Variants in PLS3 observed in about 807,000 individuals in gnomAD.
PLS3 encodes the protein plastin 3.
PLS3 carries 11 observed loss-of-function variants against 46.5 expected under a neutral mutation model. The observed-to-expected ratio is 0.24, with a 90% CI of 0.15 to 0.39. PLS3 has a LOEUF of 0.39. PLS3 is among the 10% of genes least tolerant of loss of function. PLS3 has a pLI of 1.00. For synonymous variants in PLS3, 167 were observed against 162.2 expected (o/e 1.03, Z -0.22); for missense variants, 308 against 461.8 (o/e 0.67, Z 3.05).
rs781847258 is a variant in PLS3, at chrX:115,641,352, C to T, written c.987+849C>T. Among the ~76,000 whole-genome samples, 4 of 106,548 alleles carry T rather than the reference C, an allele frequency of 3.8e-5. No homozygotes were observed. The South Asian group carries it at 1.7e-3, about 47-fold the overall frequency. 92.5% of individuals were successfully genotyped at this position (106,548 alleles called of 115,157 possible). A position where few individuals can be genotyped will look rare whatever the true frequency, so the allele number is the denominator to read the frequency against. ...AAGCAATTCTCCTGCCTCAGCCTCCCGAGTAGCTGCGATTACAGGCGCCCA... is the reference window on the plus strand; with the variant it reads ...AAGCAATTCTCCTGCCTCAGCCTCCTGAGTAGCTGCGATTACAGGCGCCCA... On this transcript the variant is annotated intron_variant, in intron 9 of 15. Coordinates refer to ENST00000355899, the MANE Select transcript of PLS3 (RefSeq NM_005032.7).
chrX:115,618,445 G>C (rs1419172502), intron 2 of PLS3, among the ~76,000 whole-genome samples: 3 of 110,763 alleles, frequency 2.7e-5, no homozygotes, highest in African/African-American at 9.9e-5. Context: ...AGTTAGCTGG[G>C]CATAGTGGTG....
At chrX:115,583,872 T>G (rs1288656681) in intron 1 of PLS3, among the ~76,000 whole-genome samples, 4 of 111,597 alleles carry the variant, frequency 3.6e-5, no homozygotes, top group Admixed American at 1.9e-4. Context: ...TTCTTTTTTT[T>G]TGGGGGAGGG....
At chrX:115,591,647 C>T (rs782236780) in intron 1 of PLS3, among the ~76,000 whole-genome samples, 3 of 111,845 alleles carry the variant, frequency 2.7e-5, no homozygotes, top group Non-Finnish European at 5.6e-5. Flanking sequence ...CTGATACTGT[C>T]TTCTTACCTG....
At chrX:115,636,815 A>ATT (rs111323826) in intron 7 of PLS3, 21 bp from the exon 8 acceptor site, 111 of 913,386 alleles carry the variant, frequency 1.2e-4, no homozygotes, top group African/African-American at 5.8e-4. Flanking sequence ...TAACTGTGGG[A>ATT]TTTTTTTTTT....
chrX:115,565,319 G>A (rs1556629997), intron 1 of PLS3, among the ~76,000 whole-genome samples: 3 of 111,285 alleles, frequency 2.7e-5, no homozygotes. Flanking sequence ...AACTGTTTTA[G>A]GGATGAAGAA....
At chrX:115,612,616 C>T (rs1272475131) in intron 2 of PLS3, among the ~76,000 whole-genome samples, 1 of 111,249 alleles carries the variant, frequency 9.0e-6, no homozygotes, top group Non-Finnish European at 1.9e-5. Context: ...AGATGATTTT[C>T]CCCATCTATT....
chrX:115,641,997 A>G (rs145883711), intron 9 of PLS3, among the ~76,000 whole-genome samples: 1,503 of 102,626 alleles, frequency 0.015, 28 homozygotes, highest in African/African-American at 0.051. Flanking sequence ...CATGGTTTTC[A>G]GTGTCCTTCA....
At chrX:115,640,367 C>A in intron 8 of PLS3, 41 bp from the exon 9 acceptor site, 1 of 896,805 alleles carries the variant, frequency 1.1e-6, no homozygotes, top group Non-Finnish European at 1.6e-6. Flanking sequence ...ACATTCATTC[C>A]TTGTAACTGT....
At chrX:115,562,541 G>A (rs2074145880) in intron 1 of PLS3, 1 of 111,776 alleles carries the variant, frequency 8.9e-6, no homozygotes, top group Admixed American at 9.5e-5. Flanking sequence ...CTGTTAAGAG[G>A]GATTGGGAGG....
At chrX:115,649,025 T>C (rs922002758) in intron 15 of PLS3, among the ~76,000 whole-genome samples, 3 of 110,331 alleles carry the variant, frequency 2.7e-5, no homozygotes, top group African/African-American at 9.8e-5. Context: ...GCCTAACAAC[T>C]TGGGTTTTGC....
chrX:115,600,676 G>T (rs782775732), intron 1 of PLS3, among the ~76,000 whole-genome samples: 2 of 112,307 alleles, frequency 1.8e-5, no homozygotes, highest in Non-Finnish European at 3.8e-5. Context: ...TAGGACAATG[G>T]AAGTCCCAGT....
intron 3 of PLS3, among the ~76,000 whole-genome samples, chrX:115,623,621 A>G (rs1447395896): frequency 8.9e-6 from 1 of 111,981 alleles, no homozygotes; most frequent in Non-Finnish European, 1.9e-5. Flanking sequence ...TTTATTATTA[A>G]TTTAAGGCTG....
chrX:115,647,428 C>T lies in PLS3; in HGVS notation c.1512-122C>T, dbSNP rs781865532. ...CAGCCTGGGCGACAGAGCGAGACTCCGTCTCAAAAAAAAGAAGAAAAATTT... is the reference window on the plus strand; with the variant it reads ...CAGCCTGGGCGACAGAGCGAGACTCTGTCTCAAAAAAAAGAAGAAAAATTT... On this transcript the variant is annotated intron_variant, in intron 13 of 15. Coordinates refer to ENST00000355899, the MANE Select transcript of PLS3 (RefSeq NM_005032.7). The T allele has an allele frequency of 2.5e-3, 1,752 of 689,457 alleles. 4 individuals carry two copies. Among genetic ancestry groups the T allele is most frequent in the Non-Finnish European group, 3.1e-3 (1,432 of 467,074 alleles). The allele number at this position is 689,457 out of a possible 1,213,427, so 56.8% of individuals were successfully genotyped here.
chrX:115,627,994 CT>C (rs200639538), intron 3 of PLS3, among the ~76,000 whole-genome samples: 1,812 of 112,178 alleles, frequency 0.016, 38 homozygotes, highest in African/African-American at 0.056. Flanking sequence ...CATACAGCAA[CT>C]TTTCTACCAG....
chrX:115,625,797 G>A (rs1158170988), intron 3 of PLS3, among the ~76,000 whole-genome samples: 2 of 111,355 alleles, frequency 1.8e-5, no homozygotes, highest in Non-Finnish European at 3.8e-5. Context: ...GATTGTTTTG[G>A]TTTGGCCACT....
chrX:115,644,242 T>C (rs1469611106), intron 10 of PLS3, among the ~76,000 whole-genome samples: 1 of 110,681 alleles, frequency 9.0e-6, no homozygotes, highest in Non-Finnish European at 1.9e-5. Flanking sequence ...TTTTTTTAAG[T>C]TTTGGAAAGG....
In PLS3 at chrX:115,640,517, C is replaced by T; in HGVS notation, c.987+14C>T. 1 of 943,363 alleles carries T rather than the reference C, an allele frequency of 1.1e-6. No individual in the cohort carries two copies. The highest frequency in any genetic ancestry group is 1.5e-6 in the Non-Finnish European group (1 of 656,204). The allele number at this position is 943,363 out of a possible 1,213,427, so 77.7% of individuals were successfully genotyped here. A position where few individuals can be genotyped will look rare whatever the true frequency, so the allele number is the denominator to read the frequency against. On this transcript the variant is annotated intron_variant, in intron 9 of 15. Coordinates refer to ENST00000355899, the MANE Select transcript of PLS3 (RefSeq NM_005032.7). Reference sequence around the variant, plus strand: ...TCAGGTTTCAATGTAAGTATAAGTGCTCTTTTGAATTCTACAATCTTGCAA... The same window carrying T: ...TCAGGTTTCAATGTAAGTATAAGTGTTCTTTTGAATTCTACAATCTTGCAA...
At chrX:115,569,434 C>T (rs1042376851) in intron 1 of PLS3, among the ~76,000 whole-genome samples, 2 of 111,552 alleles carry the variant, frequency 1.8e-5, no homozygotes, top group Admixed American at 1.9e-4. Flanking sequence ...TATCTCAAGG[C>T]TATTAGTTTC....
chrX:115,610,472 A>G, intron 2 of PLS3, 149 bp downstream of exon 2: 1 of 329,463 alleles, frequency 3.0e-6, no homozygotes, highest in Non-Finnish European at 5.2e-6. Context: ...AGCTATACTT[A>G]AAATTGTTTT....
Sources: gnomAD v4.1 joint callset for allele counts (sites outside exome capture counted in the v4.1 genomes callset) on GRCh38, gnomAD v4.1.1 for gene constraint, MANE v1.5 for transcripts, NCBI Gene and HGNC (gene_info 2026-07-23, HGNC 2026-07-21) for gene names.